FAM151A: variants seen among roughly 807,000 people sequenced by gnomAD.
FAM151A encodes family with sequence similarity 151 member A.
A neutral mutation model predicts 40.4 loss-of-function variants in FAM151A; 41 were observed. The ratio of observed to expected loss-of-function variants is 1.01; its 90% CI spans 0.79 to 1.32. The LOEUF (loss-of-function observed/expected upper bound fraction) is 1.32, where lower values mean the gene tolerates loss of function less well. FAM151A is among the 40% of genes most tolerant of loss of function. The pLI, the probability that FAM151A is intolerant of heterozygous loss-of-function variation, is 0.00. For missense variants in FAM151A, 740 were observed against 740.4 expected (o/e 1.00, Z 0.01); for synonymous variants, 337 against 312.5 (o/e 1.08, Z -0.83).
At chr1:54,621,129 C>G (rs555828708) in intron 1 of FAM151A, among the ~76,000 whole-genome samples, 10 of 151,424 alleles carry the variant, frequency 6.6e-5, no homozygotes, top group Non-Finnish European at 1.5e-4. Flanking sequence ...CCACTGCACT[C>G]CATCCTGGGT....
Position 54,616,211 on chromosome 1 carries a change from A to C in FAM151A, c.263-39T>G. ...AACAACTCAGTGAGTTCCTTTTTTTAAAAAAAGAAAACTTCTTTCTCATCA... is the reference window on the plus strand; with the variant it reads ...AACAACTCAGTGAGTTCCTTTTTTTCAAAAAAGAAAACTTCTTTCTCATCA... On this transcript the variant is annotated intron_variant, in intron 2 of 7. Coordinates refer to ENST00000302250, the MANE Select transcript of FAM151A (RefSeq NM_176782.3). 1.9e-6 allele frequency: 3 copies of C among 1,551,592 alleles called. No homozygotes were observed. In the South Asian group the frequency reaches 3.6e-5, roughly 18 times the overall value.
At chr1:54,617,883 T>C (rs942379610) in intron 2 of FAM151A, among the ~76,000 whole-genome samples, 5 of 151,594 alleles carry the variant, frequency 3.3e-5, no homozygotes, top group South Asian at 2.1e-4. Context: ...ACCACCACCA[T>C]GCACGGCTAA....
chr1:54,610,289 A>T, intron 7 of FAM151A, 123 bp downstream of exon 7: 1 of 1,515,018 alleles, frequency 6.6e-7, no homozygotes, highest in South Asian at 1.3e-5. Context: ...CCCACCTTGC[A>T]TCCAGGGTAT....
intron 5 of FAM151A, 70 bp downstream of exon 5, chr1:54,612,416 T>TTG: frequency 8.6e-7 from 1 of 1,159,068 alleles, no homozygotes; most frequent in Middle Eastern, 2.0e-4. Context: ...CTTCCAGCCA[T>TTG]GAGCTTCTGG....
chr1:54,619,886 T>A lies in FAM151A; in HGVS notation c.240A>T (p.Lys80Asn). ...VTWYHAANSKKAMTAALNSNI... is the reference protein window; with the variant it reads ...VTWYHAANSKNAMTAALNSNI... ...TACTGTTCAGGGCAGCTGTCATGGCTTTCTTGCTGTTGGCTGCGTGGTACC... is the reference window on the plus strand; with the variant it reads ...TACTGTTCAGGGCAGCTGTCATGGCATTCTTGCTGTTGGCTGCGTGGTACC... Residue 80 changes from lysine to asparagine, a missense_variant, in exon 2 of 8, where the codon AAA becomes AAT. By Grantham distance (94) the Lys-to-Asn change is moderately conservative. Coordinates refer to ENST00000302250, the MANE Select transcript of FAM151A (RefSeq NM_176782.3). 5 of 1,614,146 alleles carry A rather than the reference T, an allele frequency of 3.1e-6. No individual in the cohort carries two copies. The highest frequency in any genetic ancestry group is 3.4e-6 in the Non-Finnish European group (4 of 1,180,042).
At chr1:54,616,543 T>C (rs1321224879) in intron 2 of FAM151A, among the ~76,000 whole-genome samples, 1 of 151,880 alleles carries the variant, frequency 6.6e-6, no homozygotes, top group Non-Finnish European at 1.5e-5. Context: ...CTAGCTAATT[T>C]TTGTATTTAG....
At position 54,623,510 on chromosome 1, in the gene FAM151A, G is replaced by C. The variant is rs553069326; in HGVS notation, c.-115C>G. 17 of 769,956 alleles carry C rather than the reference G, an allele frequency of 2.2e-5. No individual in the cohort carries two copies. Among genetic ancestry groups the C allele is most frequent in the Non-Finnish European group, 3.6e-5 (16 of 444,694 alleles). 47.7% of individuals were successfully genotyped at this position (769,956 alleles called of 1,614,324 possible). Reference sequence around the variant, plus strand: ...TCCCAGCAGCACCTAATTCTCCACCGGGCCTGGTCTGCTCTGCAGCCCTGT... The same window carrying C: ...TCCCAGCAGCACCTAATTCTCCACCCGGCCTGGTCTGCTCTGCAGCCCTGT... On this transcript the variant is annotated 5_prime_UTR_variant, in exon 1 of 8. Transcript: ENST00000302250.
chr1:54,609,269 C>G lies in FAM151A; in HGVS notation c.1757G>C (p.Ter586SerextTer?), dbSNP rs772138737. Reference sequence around the variant, plus strand: ...CGCTGGCCCACCACCCCTGGGTGCTCAGTTTCTACCAACATGAGCCAGCAA... The same window carrying G: ...CGCTGGCCCACCACCCCTGGGTGCTGAGTTTCTACCAACATGAGCCAGCAA... ...KDLLAHVGRN[*>S] is the part of the protein sequence containing the mutation. The change falls in exon 8 of 8, where the codon TGA becomes TCA. Residue 586 changes from the stop codon to serine, a stop_lost. Transcript: ENST00000302250. The G allele has an allele frequency of 1.9e-6, 3 of 1,601,234 alleles. No individual in the cohort carries two copies. In the African/African-American group the frequency reaches 4.0e-5, roughly 21 times the overall value.
intron 2 of FAM151A, among the ~76,000 whole-genome samples, chr1:54,618,189 C>T (rs1644194847): frequency 6.6e-6 from 1 of 152,094 alleles, no homozygotes; most frequent in Non-Finnish European, 1.5e-5. Flanking sequence ...TCCTGCTCAT[C>T]CTTTAGTGTT....
At chr1:54,610,578 G>A in intron 6 of FAM151A, 23 bp from the exon 7 acceptor site, 6 of 1,604,948 alleles carry the variant, frequency 3.7e-6, no homozygotes, top group Non-Finnish European at 5.1e-6. Flanking sequence ...AAATCGCCAA[G>A]GTGAAGTGGC....
chr1:54,610,526 T>TGTA lies in FAM151A; in HGVS notation c.967_969dup (p.Tyr323dup). The TGTA allele has an allele frequency of 1.2e-6, 2 of 1,613,280 alleles. No individual in the cohort carries two copies. Among genetic ancestry groups the TGTA allele is most frequent in the South Asian group, 1.1e-5 (1 of 91,020 alleles). On this transcript the variant is annotated inframe_insertion, in exon 7 of 8. Coordinates refer to ENST00000302250, the MANE Select transcript of FAM151A (RefSeq NM_176782.3). ...AGAAGAGGGATCAGGCTGCCTCCCG[T>TGTA]GTAGTACATTGGTTTCCGTGTGGCA...
intron 3 of FAM151A, among the ~76,000 whole-genome samples, chr1:54,615,800 CCT>C (rs1452452480): frequency 6.6e-6 from 1 of 152,204 alleles, no homozygotes; most frequent in African/African-American, 2.4e-5. Flanking sequence ...GGCTGTCTCC[CCT>C]CTGTGTCCAG....
At chr1:54,610,314 T>C (rs1267253552) in intron 7 of FAM151A, 98 bp downstream of exon 7, 43 of 1,544,426 alleles carry the variant, frequency 2.8e-5, no homozygotes, top group Non-Finnish European at 3.6e-5. Context: ...TAAATAAACC[T>C]GTGTTGCCAT....
Position 54,612,542 on chromosome 1 carries a change from A to AGACC in FAM151A, c.740_743dup (p.Ser249ValfsTer19). On this transcript the variant is annotated frameshift_variant, in exon 5 of 8. Coordinates refer to ENST00000302250, the MANE Select transcript of FAM151A (RefSeq NM_176782.3). LOFTEE classifies it high-confidence loss of function. ...GGGGCCAGGCAGCCCGCACCATGGA[A>AGACC]GACCGTACAGGGAAGGTGACCCTCT... is the stretch of plus-strand genomic sequence containing the variant. The AGACC allele has an allele frequency of 6.2e-7, 1 of 1,614,054 alleles. No individual in the cohort carries two copies. Among genetic ancestry groups the AGACC allele is most frequent in the Non-Finnish European group, 8.5e-7 (1 of 1,180,020 alleles).
At chr1:54,611,305 C>T (rs1644115462) in intron 6 of FAM151A, among the ~76,000 whole-genome samples, 1 of 152,096 alleles carries the variant, frequency 6.6e-6, no homozygotes, top group South Asian at 2.1e-4. Context: ...CATGGTGGCG[C>T]AGGAGAATCG....
intron 3 of FAM151A, among the ~76,000 whole-genome samples, chr1:54,615,633 A>C (rs1266887408): frequency 6.8e-6 from 1 of 147,722 alleles, no homozygotes; most frequent in Non-Finnish European, 1.5e-5. Flanking sequence ...AGGGAGAGGG[A>C]GGCATTATGG....
At chr1:54,616,410 C>T (rs1569792571) in intron 2 of FAM151A, among the ~76,000 whole-genome samples, 1 of 151,788 alleles carries the variant, frequency 6.6e-6, no homozygotes, top group African/African-American at 2.4e-5. Flanking sequence ...ATCGCCCAGG[C>T]TGGAGTGCAG....
rs17399297 is a variant in FAM151A, at chr1:54,619,975, C to T, written c.151G>A (p.Asp51Asn). Residue 51 changes from aspartate (D) to asparagine (N), a missense_variant, in exon 2 of 8, where the codon GAC (aspartate) becomes AAC (asparagine). Physicochemically the swap from Asp to Asn is conservative, Grantham distance 23 (BLOSUM62 1). Coordinates refer to ENST00000302250, the MANE Select transcript of FAM151A (RefSeq NM_176782.3). ...CELEACSPDA[D>N]MLDYLLSLGQ... ...AGGCTCAGCAGGTAGTCCAGCATGTCGGCATCAGGGCTGCAGGCCTCCAGC... is the reference window on the plus strand; with the variant it reads ...AGGCTCAGCAGGTAGTCCAGCATGTTGGCATCAGGGCTGCAGGCCTCCAGC... 12,364 of 1,614,086 alleles carry T rather than the reference C, an allele frequency of 7.7e-3. 59 individuals carry two copies. Among genetic ancestry groups the T allele is most frequent in the Non-Finnish European group, 9.3e-3 (10,929 of 1,179,982 alleles).
At position 54,609,794 on chromosome 1, in the gene FAM151A, A is replaced by G. The variant is rs760754531; in HGVS notation, c.1232T>C (p.Ile411Thr). The G allele has an allele frequency of 4.3e-6, 7 of 1,614,154 alleles. No homozygotes were observed. The South Asian group carries it at 6.6e-5, about 15-fold the overall frequency. The change falls in exon 8 of 8, where the codon ATC becomes ACC. Residue 411 changes from isoleucine to threonine, a missense_variant. Coordinates refer to ENST00000302250, the MANE Select transcript of FAM151A (RefSeq NM_176782.3). ...QLATHPGHWG[I>T]HLQIAEPAAL... ...TGCGGGCTCCGCTATTTGCAAATGG[A>G]TGCCCCAGTGTCCGGGATGTGTGGC... is the stretch of plus-strand genomic sequence containing the variant.
Sources: allele counts gnomAD v4.1 joint callset (sites outside exome capture counted in the v4.1 genomes callset), GRCh38; gene constraint gnomAD v4.1.1; transcripts MANE v1.5; gene names NCBI Gene and HGNC (gene_info 2026-07-23, HGNC 2026-07-21).